The following ZRANB2 variants were observed in gnomAD, a reference collection of about 807,000 sequenced individuals.
ZRANB2 encodes the protein zinc finger RANBP2-type containing 2, also known as zinc finger Ran-binding domain-containing protein 2.
A neutral mutation model predicts 53.4 loss-of-function variants in ZRANB2; 19 were observed. That is an observed-to-expected ratio of 0.36 (90% CI 0.25 to 0.52). The LOEUF is 0.52. Among genes scored for constraint, ZRANB2 ranks in the 20% least tolerant of loss-of-function variants. ZRANB2 has a pLI of 0.93. For synonymous variants in ZRANB2, 145 were observed against 134.8 expected (o/e 1.08, Z -0.52); for missense variants, 309 against 401.1 (o/e 0.77, Z 1.96).
At chr1:71,080,238 C>A (rs74090259) in intron 1 of ZRANB2, among the ~76,000 whole-genome samples, 18,464 of 151,994 alleles carry the variant, frequency 0.12, 1,686 homozygotes, top group African/African-American at 0.25. Flanking sequence ...ACTATCTAGT[C>A]GAGTACTGGC....
At chr1:71,076,343 G>T (rs565925717) in intron 4 of ZRANB2, among the ~76,000 whole-genome samples, 1 of 152,236 alleles carries the variant, frequency 6.6e-6, no homozygotes, top group South Asian at 2.1e-4. Flanking sequence ...TCTGCATTTT[G>T]CAATCGATAT....
rs1304008693 is a variant in ZRANB2 at position 71,064,140 on chromosome 1, G to A, written c.*934C>T. ...TTCATTTGTTATTCAGAAGAAAATT[G>A]TATGCAGTGTGTTTATAGTTAACAT... On this transcript the variant is annotated 3_prime_UTR_variant, in exon 10 of 10. Coordinates refer to ENST00000370920, the MANE Select transcript of ZRANB2 (RefSeq NM_203350.3). 6.6e-6 allele frequency: 1 copy of A among 152,346 alleles called. No individual in the cohort carries two copies. The highest frequency in any genetic ancestry group is 2.4e-5 in the African/African-American group (1 of 41,384). 9.4% of individuals were successfully genotyped at this position (152,346 alleles called of 1,614,324 possible). A position where few individuals can be genotyped will look rare whatever the true frequency, so the allele number is the denominator to read the frequency against.
intron 5 of ZRANB2, 100 bp from the exon 6 acceptor site, chr1:71,072,355 T>C (rs1661613609): frequency 6.9e-7 from 1 of 1,449,190 alleles, no homozygotes; most frequent in African/African-American, 1.4e-5. Flanking sequence ...TTCCTGAAAA[T>C]GATCAGTTGC....
In ZRANB2 at chr1:71,065,148, T is replaced by TAA. The variant is rs1573047779; in HGVS notation, c.930-13_930-12dup. 3 of 1,606,502 alleles carry TAA rather than the reference T, an allele frequency of 1.9e-6. No individual in the cohort carries two copies. The highest frequency in any genetic ancestry group is 2.6e-6 in the Non-Finnish European group (3 of 1,174,254). On this transcript the variant is annotated splice_polypyrimidine_tract_variant and intron_variant, in intron 9 of 9. Coordinates refer to ENST00000370920, the MANE Select transcript of ZRANB2 (RefSeq NM_203350.3). ...GATGACCTGTGGCGTCTGTAAGACA[T>TAA]AATGGAGAGAGTAGGCATTCTAGTA...
Position 71,069,355 on chromosome 1 carries a change from A to C in ZRANB2, c.691T>G (p.Ser231Ala), listed in dbSNP as rs746948520. ...SSSRSRSRSR[S>A]RSSSSSQSRS... ...GACTGCGAACTGGAAGAACTTCTTGAACGGGACCTGGAACAACATGGAACG... is the reference window on the plus strand; with the variant it reads ...GACTGCGAACTGGAAGAACTTCTTGCACGGGACCTGGAACAACATGGAACG... Residue 231 changes from serine (S) to alanine (A), a missense_variant, in exon 8 of 10, where the codon TCA becomes GCA. Transcript: ENST00000370920. 7 of 1,613,080 alleles carry C rather than the reference A, an allele frequency of 4.3e-6. No individual in the cohort carries two copies. The highest frequency in any genetic ancestry group is 5.9e-6 in the Non-Finnish European group (7 of 1,179,414).
intron 3 of ZRANB2, among the ~76,000 whole-genome samples, chr1:71,077,432 A>T (rs896416732): frequency 6.6e-6 from 1 of 152,160 alleles, no homozygotes; most frequent in African/African-American, 2.4e-5. Context: ...AAATAATATT[A>T]ATTTATTTTT....
At chr1:71,075,576 G>A (rs2101049816) in intron 4 of ZRANB2, among the ~76,000 whole-genome samples, 2 of 152,170 alleles carry the variant, frequency 1.3e-5, no homozygotes, top group Middle Eastern at 6.8e-3. Context: ...GAAAATAGAG[G>A]AAAGAAAGAG....
intron 3 of ZRANB2, 81 bp downstream of exon 3, chr1:71,078,376 A>T: frequency 8.4e-7 from 1 of 1,189,722 alleles, no homozygotes. Flanking sequence ...CAATGTCACT[A>T]ATAAGAGCTG....
Position 71,066,948 on chromosome 1 carries a change from G to A in ZRANB2, c.771-14C>T. On this transcript the variant is annotated splice_polypyrimidine_tract_variant and intron_variant, in intron 8 of 9. Coordinates refer to ENST00000370920, the MANE Select transcript of ZRANB2 (RefSeq NM_203350.3). The stretch of plus-strand genomic sequence containing the variant: ...CTGGAGCTGGATCTTCATTGATTGA[G>A]AAACAAATCAAACATTTCATTAAAA... The A allele has an allele frequency of 6.5e-7, 1 of 1,542,538 alleles. No individual in the cohort carries two copies. Among genetic ancestry groups the A allele is most frequent in the Non-Finnish European group, 8.7e-7 (1 of 1,145,890 alleles).
At chr1:71,066,976 A>G in intron 8 of ZRANB2, 42 bp from the exon 9 acceptor site, 1 of 1,527,290 alleles carries the variant, frequency 6.5e-7, no homozygotes, top group Non-Finnish European at 8.8e-7. Flanking sequence ...CATTAAAAGA[A>G]GAAATAAGGA....
chr1:71,064,150 T>C lies in ZRANB2; in HGVS notation c.*924A>G, dbSNP rs552632359. 5.2e-5 allele frequency: 8 copies of C among 152,604 alleles called. No individual in the cohort carries two copies. In the East Asian group the frequency reaches 9.6e-4, roughly 18 times the overall value. The allele number at this position is 152,604 out of a possible 1,614,324, so 9.5% of individuals were successfully genotyped here. A position where few individuals can be genotyped will look rare whatever the true frequency, so the allele number is the denominator to read the frequency against. ...ATTCAGAAGAAAATTGTATGCAGTG[T>C]GTTTATAGTTAACATCTTGAGGCAA... On this transcript the variant is annotated 3_prime_UTR_variant, in exon 10 of 10. Transcript: ENST00000370920.
chr1:71,074,679 C>A (rs1374124309), intron 4 of ZRANB2, among the ~76,000 whole-genome samples: 1 of 151,022 alleles, frequency 6.6e-6, no homozygotes. Context: ...AAAAAGCTGA[C>A]AAAAACAAAA....
At chr1:71,069,677 G>T (rs908280237) in intron 7 of ZRANB2, 1 of 170,096 alleles carries the variant, frequency 5.9e-6, no homozygotes, top group Non-Finnish European at 1.2e-5. Context: ...ATACATCCAA[G>T]AAAACAGAAT....
At chr1:71,077,963 T>G (rs548599778) in intron 3 of ZRANB2, among the ~76,000 whole-genome samples, 1 of 152,190 alleles carries the variant, frequency 6.6e-6, no homozygotes, top group Non-Finnish European at 1.5e-5. Context: ...AAGATGGAAG[T>G]TGGAAAAATC....
intron 1 of ZRANB2, among the ~76,000 whole-genome samples, chr1:71,079,330 G>A (rs1052995310): frequency 1.3e-5 from 2 of 152,124 alleles, no homozygotes; most frequent in Non-Finnish European, 2.9e-5. Context: ...ATGTAGTACA[G>A]TAAGACTTTA....
chr1:71,079,326 T>C (rs1243801074), intron 1 of ZRANB2, among the ~76,000 whole-genome samples: 1 of 152,180 alleles, frequency 6.6e-6, no homozygotes, highest in Non-Finnish European at 1.5e-5. Flanking sequence ...ACACATGTAG[T>C]ACAGTAAGAC....
intron 8 of ZRANB2, chr1:71,067,505 T>C (rs1016376093): frequency 2.6e-5 from 8 of 308,450 alleles, no homozygotes; most frequent in Non-Finnish European, 5.2e-5. Context: ...AATACTATTT[T>C]TATGAAAACC....
intron 7 of ZRANB2, 88 bp from the exon 8 acceptor site, chr1:71,069,450 G>T: frequency 1.1e-6 from 1 of 887,618 alleles, no homozygotes; most frequent in Non-Finnish European, 1.8e-6. Context: ...ATGTATTAGA[G>T]TTCATTTTCA....
chr1:71,067,022 CA>C lies in ZRANB2; in HGVS notation c.771-89del, dbSNP rs1557789638. On this transcript the variant is annotated intron_variant, in intron 8 of 9. Coordinates refer to ENST00000370920, the MANE Select transcript of ZRANB2 (RefSeq NM_203350.3). The stretch of plus-strand genomic sequence containing the variant: ...GTTATCAGATAGCTCCAAAAATAAA[CA>C]GGATTTATAACAACTATGAAAATTT... 2.3e-6 allele frequency: 3 copies of C among 1,320,542 alleles called. No homozygotes were observed. The African/African-American group carries it at 4.5e-5, about 20-fold the overall frequency. 81.8% of individuals were successfully genotyped at this position (1,320,542 alleles called of 1,614,324 possible). A position where few individuals can be genotyped will look rare whatever the true frequency, so the allele number is the denominator to read the frequency against.
Sources: gnomAD v4.1 joint callset for allele counts (sites outside exome capture counted in the v4.1 genomes callset) on GRCh38, gnomAD v4.1.1 for gene constraint, MANE v1.5 for transcripts, NCBI Gene and HGNC (gene_info 2026-07-23, HGNC 2026-07-21) for gene names.